RWDD4: variants seen among roughly 807,000 people sequenced by gnomAD.
The protein encoded by RWDD4 is RWD domain containing 4.
RWDD4 carries 16 observed loss-of-function variants against 30.0 expected under a neutral mutation model. The ratio of observed to expected loss-of-function variants is 0.53; its 90% CI spans 0.36 to 0.81. The LOEUF is 0.81. RWDD4 is among the 30% of genes least tolerant of loss of function. The pLI is 0.00. For synonymous variants in RWDD4, 45 were observed against 72.1 expected (o/e 0.62, Z 1.90); for missense variants, 170 against 223.9 (o/e 0.76, Z 1.54).
At chr4:183,654,845 G>C (rs1433799690) in intron 2 of RWDD4, among the ~76,000 whole-genome samples, 1 of 152,086 alleles carries the variant, frequency 6.6e-6, no homozygotes, top group African/African-American at 2.4e-5. Flanking sequence ...TCATGCATAA[G>C]AATCATTTCT....
At chr4:183,643,054 G>A (rs191533676) in intron 7 of RWDD4, among the ~76,000 whole-genome samples, 137 of 124,228 alleles carry the variant, frequency 1.1e-3, no homozygotes, top group South Asian at 1.9e-3. Context: ...GCGAGACTCC[G>A]TTCAAAAATA....
intron 2 of RWDD4, among the ~76,000 whole-genome samples, chr4:183,654,271 AT>A (rs1734140523): frequency 6.6e-6 from 1 of 152,218 alleles, no homozygotes; most frequent in African/African-American, 2.4e-5. Flanking sequence ...AGAGAAAAAC[AT>A]TTTTAAAGAA....
chr4:183,649,442 C>G lies in RWDD4; in HGVS notation c.481+9G>C. ...AAAAGAAAAGAAAAGAAAAGAAACA[C>G]ACACAAACCTGTTTTGTCTGCCAGC... On this transcript the variant is annotated intron_variant, in intron 5 of 7. Transcript: ENST00000326397. 6.5e-7 allele frequency: 1 copy of G among 1,548,638 alleles called. No individual in the cohort carries two copies. The highest frequency in any genetic ancestry group is 1.1e-5 in the South Asian group (1 of 87,662).
At chr4:183,655,507 A>C (rs909033024) in intron 2 of RWDD4, among the ~76,000 whole-genome samples, 1 of 151,772 alleles carries the variant, frequency 6.6e-6, no homozygotes, top group African/African-American at 2.4e-5. Context: ...GATGGTCTCG[A>C]TCTCCTGACC....
At chr4:183,646,305 A>T in intron 7 of RWDD4, 46 bp downstream of exon 7, 1 of 801,826 alleles carries the variant, frequency 1.2e-6, no homozygotes, top group Non-Finnish European at 2.2e-6. Flanking sequence ...TAAAATTGAG[A>T]GTGCAGGGAA....
chr4:183,656,157 T>G (rs1332939808), intron 1 of RWDD4, 196 bp from the exon 2 acceptor site: 1 of 510,504 alleles, frequency 2.0e-6, no homozygotes, highest in Non-Finnish European at 3.5e-6. Context: ...TCAAACTCTG[T>G]GTCAGGGACT....
At chr4:183,648,326 A>G (rs917127298) in intron 5 of RWDD4, among the ~76,000 whole-genome samples, 2 of 152,156 alleles carry the variant, frequency 1.3e-5, no homozygotes, top group Non-Finnish European at 2.9e-5. Context: ...AACCTGACAT[A>G]GTAGCACACG....
chr4:183,651,268 A>G lies in RWDD4; in HGVS notation c.165T>C (p.Tyr55=), dbSNP rs1019420912. Residue 55 remains tyrosine (Y), a synonymous_variant, in exon 3 of 8, where the codon TAT becomes TAC. Transcript: ENST00000326397. Reference sequence around the variant, plus strand: ...TAGATAGAATTGGAGGTGTTTGGGGATATGTTTCTGTCCAGGAAATCTCTA... The same window carrying G: ...TAGATAGAATTGGAGGTGTTTGGGGGTATGTTTCTGTCCAGGAAATCTCTA... ...FLIEISWTET[Y]PQTPPILSMN... is the part of the protein sequence containing the mutation. 1.7e-5 allele frequency: 28 copies of G among 1,612,886 alleles called. No homozygotes were observed. Among genetic ancestry groups the G allele is most frequent in the Non-Finnish European group, 2.2e-5 (26 of 1,179,960 alleles).
At chr4:183,655,307 T>G (rs1416880647) in intron 2 of RWDD4, among the ~76,000 whole-genome samples, 1 of 152,042 alleles carries the variant, frequency 6.6e-6, no homozygotes, top group Non-Finnish European at 1.5e-5. Flanking sequence ...GTTACTATTT[T>G]TTTTTTGAGA....
intron 5 of RWDD4, among the ~76,000 whole-genome samples, chr4:183,648,241 GA>G (rs68017212): frequency 0.33 from 34,497 of 103,334 alleles, 5,023 homozygotes; most frequent in African/African-American, 0.5. Context: ...CGTCTCAAAA[GA>G]AAAAAGAAAA....
intron 3 of RWDD4, 37 bp from the exon 4 acceptor site, chr4:183,651,168 A>C: frequency 6.2e-7 from 1 of 1,609,970 alleles, no homozygotes; most frequent in Non-Finnish European, 8.5e-7. Context: ...CTGAGAGAAA[A>C]GTATAACAGA....
At chr4:183,656,399 T>A (rs1734195141) in intron 1 of RWDD4, among the ~76,000 whole-genome samples, 1 of 152,220 alleles carries the variant, frequency 6.6e-6, no homozygotes, top group Non-Finnish European at 1.5e-5. Flanking sequence ...ATTTCTTTTA[T>A]ATGTAATCCT....
In RWDD4 at chr4:183,639,982, C is replaced by T. The variant is rs1733827180; in HGVS notation, c.*1454G>A. Reference sequence around the variant, plus strand: ...TGTTTCTCCAAAAACAAAAAACAAACCAATACAACCACAAATACTACCCAC... The same window carrying T: ...TGTTTCTCCAAAAACAAAAAACAAATCAATACAACCACAAATACTACCCAC... On this transcript the variant is annotated 3_prime_UTR_variant, in exon 8 of 8. Coordinates refer to ENST00000326397, the MANE Select transcript of RWDD4 (RefSeq NM_152682.4). The T allele has an allele frequency of 2.0e-5, 3 of 152,060 alleles. No individual in the cohort carries two copies. In the South Asian group the frequency reaches 6.2e-4, roughly 32 times the overall value. 9.4% of individuals were successfully genotyped at this position (152,060 alleles called of 1,614,324 possible). A position where few individuals can be genotyped will look rare whatever the true frequency, so the allele number is the denominator to read the frequency against.
chr4:183,643,901 A>T (rs1733917207), intron 7 of RWDD4, among the ~76,000 whole-genome samples: 1 of 152,164 alleles, frequency 6.6e-6, no homozygotes, highest in East Asian at 1.9e-4. Context: ...CTGGGCAACA[A>T]GTGCGAAACT....
At chr4:183,643,370 T>G (rs1227389061) in intron 7 of RWDD4, among the ~76,000 whole-genome samples, 1 of 112,684 alleles carries the variant, frequency 8.9e-6, no homozygotes, top group South Asian at 2.9e-4. Flanking sequence ...GACCTGAAAT[T>G]GCGCCACTGA....
At chr4:183,649,421 G>A in intron 5 of RWDD4, 30 bp downstream of exon 5, 1 of 1,361,788 alleles carries the variant, frequency 7.3e-7, no homozygotes, top group Non-Finnish European at 1.0e-6. Flanking sequence ...TCAAAAAAAA[G>A]AAAAGAAAAG....
rs367839470 is a variant in RWDD4, at chr4:183,644,558, C to T, written c.534+1793G>A. On this transcript the variant is annotated intron_variant, in intron 7 of 7. Transcript: ENST00000326397. ...TTGGGAGGCAGAGGTGAGGGGGGAT[C>T]GCTTGAGGCCAGGAGTTTGAGACCA... 5.9e-5 allele frequency among the ~76,000 whole-genome samples: 9 copies of T among 152,278 alleles called. No homozygotes were observed. In the South Asian group the frequency reaches 6.2e-4, roughly 11 times the overall value.
chr4:183,656,177 T>G (rs187614681), intron 1 of RWDD4: 57 of 401,830 alleles, frequency 1.4e-4, no homozygotes, highest in African/African-American at 1.1e-3. Flanking sequence ...TACTAAGCAC[T>G]GTACAATGTA....
intron 7 of RWDD4, among the ~76,000 whole-genome samples, chr4:183,643,777 G>C (rs904568889): frequency 6.6e-6 from 1 of 152,154 alleles, no homozygotes; most frequent in Non-Finnish European, 1.5e-5. Context: ...AATTAGCCAG[G>C]TGTGGTGGCA....
Sources: gnomAD v4.1 joint callset for allele counts (sites outside exome capture counted in the v4.1 genomes callset) on GRCh38, gnomAD v4.1.1 for gene constraint, MANE v1.5 for transcripts, NCBI Gene and HGNC (gene_info 2026-07-23, HGNC 2026-07-21) for gene names.